The following KCNJ6 variants were observed in gnomAD, a reference collection of about 807,000 sequenced individuals.
The protein encoded by KCNJ6 is potassium inwardly rectifying channel subfamily J member 6, also known as G protein-activated inward rectifier potassium channel 2.
A neutral mutation model predicts 34.2 loss-of-function variants in KCNJ6; 9 were observed. The observed-to-expected ratio is 0.26, with a 90% CI of 0.16 to 0.46. KCNJ6 has a LOEUF of 0.46. Among genes scored for constraint, KCNJ6 ranks in the 20% least tolerant of loss-of-function variants. The probability of loss-of-function intolerance (pLI) is 1.00; values close to 1 mark genes in which losing one functional copy is unlikely to be tolerated. For missense variants in KCNJ6, 236 were observed against 531.3 expected, an observed-to-expected ratio of 0.44 and a Z score of 5.46; for synonymous variants, 196 against 207.1, an observed-to-expected ratio of 0.95 and a Z score of 0.46.
intron 2 of KCNJ6, among the ~76,000 whole-genome samples, chr21:37,835,615 T>C (rs1357620115): frequency 6.6e-6 from 1 of 152,206 alleles, no homozygotes; most frequent in Non-Finnish European, 1.5e-5. Context: ...CATCTCCAAT[T>C]TGTCATCATC....
rs2054659466 is a variant in KCNJ6 at position 37,695,367 on chromosome 21, G to C, written c.946+18844C>G. Among the ~76,000 whole-genome samples, 1 of 152,220 alleles carries C rather than the reference G, an allele frequency of 6.6e-6. No individual in the cohort carries two copies. Among genetic ancestry groups the C allele is most frequent in the Admixed American group, 6.5e-5 (1 of 15,280 alleles). On this transcript the variant is annotated intron_variant, in intron 3 of 3. Transcript: ENST00000609713. The surrounding 1 kb of genome is among the most constrained non-coding windows in gnomAD (Gnocchi z 4.2). ...AGTTTGCAACAAGGCAGCTGGTGGG[G>C]AAGTTAACACCACCTTCTAGCAGAC...
At position 37,611,810 on chromosome 21, in the gene KCNJ6, AGAG is replaced by A. The variant is rs200951009; in HGVS notation, c.*13346_*13348del. ...TAAAAACACTCAGTAAAGCAGGAAT[AGAG>A]GAGAAGCCCCTCAACCTGATAAACA... On this transcript the variant is annotated 3_prime_UTR_variant, in exon 4 of 4. Coordinates refer to ENST00000609713, the MANE Select transcript of KCNJ6 (RefSeq NM_002240.5). The A allele has an allele frequency of 6.6e-6, 1 of 152,140 alleles. No homozygotes were observed. Among genetic ancestry groups the A allele is most frequent in the Non-Finnish European group, 1.5e-5 (1 of 68,006 alleles). 9.4% of individuals were successfully genotyped at this position (152,140 alleles called of 1,614,324 possible). A position where few individuals can be genotyped will look rare whatever the true frequency, so the allele number is the denominator to read the frequency against.
intron 2 of KCNJ6, among the ~76,000 whole-genome samples, chr21:37,796,260 C>T (rs1568851618): frequency 6.6e-6 from 1 of 152,156 alleles, no homozygotes; most frequent in Non-Finnish European, 1.5e-5. Flanking sequence ...CAACAGCCTT[C>T]GCTCTGCCTG....
intron 3 of KCNJ6, among the ~76,000 whole-genome samples, chr21:37,631,994 C>G (rs1239945886): frequency 1.3e-5 from 2 of 152,116 alleles, no homozygotes; most frequent in African/African-American, 2.4e-5. Flanking sequence ...CTGCTTTACC[C>G]TAAGAGTGGC....
At chr21:37,808,422 T>A (rs907415279) in intron 2 of KCNJ6, among the ~76,000 whole-genome samples, 5 of 152,182 alleles carry the variant, frequency 3.3e-5, no homozygotes, top group African/African-American at 1.2e-4. Flanking sequence ...AAAACTTGAA[T>A]GGAAAACGTT....
At chr21:37,844,191 T>C (rs1441477367) in intron 1 of KCNJ6, among the ~76,000 whole-genome samples, 1 of 151,998 alleles carries the variant, frequency 6.6e-6, no homozygotes, top group Non-Finnish European at 1.5e-5. Flanking sequence ...CCCAAGCAGC[T>C]GGGATTACAG....
At chr21:37,650,858 G>C (rs1420514089) in intron 3 of KCNJ6, among the ~76,000 whole-genome samples, 1 of 152,164 alleles carries the variant, frequency 6.6e-6, no homozygotes, top group Non-Finnish European at 1.5e-5. Flanking sequence ...TAATCTCAAT[G>C]AGATTTGTAT....
At chr21:37,661,723 C>T (rs944226852) in intron 3 of KCNJ6, among the ~76,000 whole-genome samples, 8 of 148,970 alleles carry the variant, frequency 5.4e-5, no homozygotes, top group Admixed American at 2.0e-4. Context: ...CCCAGGTTCA[C>T]GCCATTCTCC....
chr21:37,640,603 G>T (rs2054376712), intron 3 of KCNJ6, among the ~76,000 whole-genome samples: 1 of 152,214 alleles, frequency 6.6e-6, no homozygotes, highest in African/African-American at 2.4e-5. Context: ...CTTTCAAGTG[G>T]AATAAAAACC....
rs900895623 is a variant in KCNJ6, at chr21:37,618,716, A to G, written c.*6443T>C. On this transcript the variant is annotated 3_prime_UTR_variant, in exon 4 of 4. Transcript: ENST00000609713. ...CATCTAGGGGGTATAGTGTCTAAAA[A>G]TAACTCTATAAATACTGTTTTCATC... 1.3e-5 allele frequency: 2 copies of G among 152,350 alleles called. No individual in the cohort carries two copies. The highest frequency in any genetic ancestry group is 4.1e-4 in the South Asian group (2 of 4,826). 9.4% of individuals were successfully genotyped at this position (152,350 alleles called of 1,614,324 possible). A position where few individuals can be genotyped will look rare whatever the true frequency, so the allele number is the denominator to read the frequency against.
At chr21:37,891,820 C>T (rs1048362441) in intron 1 of KCNJ6, among the ~76,000 whole-genome samples, 1 of 152,088 alleles carries the variant, frequency 6.6e-6, no homozygotes, top group African/African-American at 2.4e-5. Context: ...AGCTGCTGTT[C>T]CTGTTGGAGG....
At chr21:37,754,459 T>C (rs773925747) in intron 2 of KCNJ6, among the ~76,000 whole-genome samples, 5 of 152,234 alleles carry the variant, frequency 3.3e-5, no homozygotes, top group Non-Finnish European at 7.3e-5. Context: ...TGTGTCTTTC[T>C]AGGGTTTGAC....
chr21:37,837,493 T>C (rs2055457771), intron 2 of KCNJ6, among the ~76,000 whole-genome samples: 2 of 152,214 alleles, frequency 1.3e-5, no homozygotes, highest in South Asian at 2.1e-4. Flanking sequence ...AAGACATTCC[T>C]TTCCCATTAT....
At chr21:37,713,459 C>G (rs1458751774) in intron 3 of KCNJ6, among the ~76,000 whole-genome samples, 1 of 152,116 alleles carries the variant, frequency 6.6e-6, no homozygotes, top group East Asian at 1.9e-4. Flanking sequence ...ATGGGCAGAA[C>G]CTGCTTTGCT....
At chr21:37,843,768 A>G (rs1568868814) in intron 1 of KCNJ6, among the ~76,000 whole-genome samples, 1 of 151,986 alleles carries the variant, frequency 6.6e-6, no homozygotes, top group Non-Finnish European at 1.5e-5. Flanking sequence ...CCAGGAAAGG[A>G]TTTAGAGGGA....
At position 37,612,100 on chromosome 21, in the gene KCNJ6, C is replaced by T. The variant is rs574556644; in HGVS notation, c.*13059G>A. The T allele has an allele frequency of 2.6e-5, 4 of 151,888 alleles. No individual in the cohort carries two copies. Among genetic ancestry groups the T allele is most frequent in the African/African-American group, 7.2e-5 (3 of 41,418 alleles). 9.4% of individuals were successfully genotyped at this position (151,888 alleles called of 1,614,324 possible). On this transcript the variant is annotated 3_prime_UTR_variant, in exon 4 of 4. Coordinates refer to ENST00000609713, the MANE Select transcript of KCNJ6 (RefSeq NM_002240.5). ...ATGTAGAAAATCTGAAATAACTGAC[C>T]AAAAAACAAAACAAAAACAAGCCCC...
chr21:37,900,125 G>A (rs1265896444), intron 1 of KCNJ6, among the ~76,000 whole-genome samples: 2 of 152,176 alleles, frequency 1.3e-5, no homozygotes, highest in African/African-American at 2.4e-5. Flanking sequence ...TTAGTGAAAT[G>A]TAACAAAAGC....
chr21:37,846,304 G>A (rs879757348), intron 1 of KCNJ6, among the ~76,000 whole-genome samples: 4 of 151,700 alleles, frequency 2.6e-5, no homozygotes, highest in Non-Finnish European at 5.9e-5. Flanking sequence ...TTTTTAATGA[G>A]GGCAATTATA....
intron 2 of KCNJ6, among the ~76,000 whole-genome samples, chr21:37,802,763 T>C (rs1159234817): frequency 6.6e-6 from 1 of 152,190 alleles, no homozygotes; most frequent in East Asian, 1.9e-4. Flanking sequence ...CTTACAGCCA[T>C]CCTTCTGGAA....
Sources: allele counts gnomAD v4.1 joint callset (sites outside exome capture counted in the v4.1 genomes callset), GRCh38; gene constraint gnomAD v4.1.1; non-coding constraint Gnocchi (gnomAD v3.1); transcripts MANE v1.5; gene names NCBI Gene and HGNC (gene_info 2026-07-23, HGNC 2026-07-21).